FEZ2: variants seen among roughly 807,000 people sequenced by gnomAD.
FEZ2 encodes the protein fasciculation and elongation protein zeta 2, also known as fasciculation and elongation protein zeta-2.
A neutral mutation model predicts 40.4 loss-of-function variants in FEZ2; 51 were observed. The observed-to-expected ratio is 1.26, with a 90% CI of 1.01 to 1.59. The LOEUF (loss-of-function observed/expected upper bound fraction) is 1.59. FEZ2 is among the 40% of genes most tolerant of loss of function. FEZ2 has a pLI of 0.00. For synonymous variants in FEZ2, 242 were observed against 172.0 expected (o/e 1.41, Z -3.18); for missense variants, 640 against 438.3 (o/e 1.46, Z -4.11).
intron 3 of FEZ2, among the ~76,000 whole-genome samples, chr2:36,582,959 A>C (rs1260656469): frequency 6.6e-6 from 1 of 152,230 alleles, no homozygotes; most frequent in Non-Finnish European, 1.5e-5. Flanking sequence ...TGTTACTTTA[A>C]TACATGCTAA....
At chr2:36,581,571 C>A in intron 3 of FEZ2, 140 bp from the exon 4 acceptor site, 18 of 671,486 alleles carry the variant, frequency 2.7e-5, no homozygotes, top group South Asian at 1.3e-4. Context: ...TGTGGATGCT[C>A]CAAATAATCA....
At chr2:36,572,314 G>C (rs561446318) in intron 5 of FEZ2, among the ~76,000 whole-genome samples, 53 of 152,226 alleles carry the variant, frequency 3.5e-4, no homozygotes, top group Middle Eastern at 3.4e-3. Flanking sequence ...TGCTGCTGAA[G>C]GGGCCCCAAG....
chr2:36,575,846 TG>T (rs1189460141), intron 5 of FEZ2, among the ~76,000 whole-genome samples: 2 of 152,144 alleles, frequency 1.3e-5, no homozygotes, highest in African/African-American at 4.8e-5. Flanking sequence ...TTAGATTAAG[TG>T]GTATGCCAAC....
At chr2:36,560,781 G>T in intron 5 of FEZ2, 1 of 1,579,440 alleles carries the variant, frequency 6.3e-7, no homozygotes, top group African/African-American at 1.4e-5. Flanking sequence ...GGATAACCGA[G>T]CACCTGTTTC....
At chr2:36,568,234 A>G (rs1375769145) in intron 5 of FEZ2, among the ~76,000 whole-genome samples, 2 of 152,126 alleles carry the variant, frequency 1.3e-5, no homozygotes, top group African/African-American at 4.8e-5. Context: ...CATTTCTTTG[A>G]TAACATTTCT....
chr2:36,568,828 G>C (rs848634), intron 5 of FEZ2, among the ~76,000 whole-genome samples: 11,898 of 152,212 alleles, frequency 0.078, 974 homozygotes, highest in East Asian at 0.21. Context: ...GCATAAGTAT[G>C]TATTGAAAGT....
Position 36,598,106 on chromosome 2 carries a change from A to T in FEZ2, c.37T>A (p.Phe13Ile). ...AGGAGGCTCCGGGCCGGCTCCTGGA[A>T]CTCATAGAAATCCTGCCAGTCCCCG... ...ADGDWQDFYE[F>I]QEPARSLLDQ... is the part of the protein sequence containing the mutation. The change falls in exon 1 of 8, where the codon TTC becomes ATC. Residue 13 changes from phenylalanine (F) to isoleucine (I), a missense_variant. Transcript: ENST00000405912. 1 of 1,490,574 alleles carries T rather than the reference A, an allele frequency of 6.7e-7. No individual in the cohort carries two copies. Among genetic ancestry groups the T allele is most frequent in the Non-Finnish European group, 8.9e-7 (1 of 1,127,766 alleles). The allele number at this position is 1,490,574 out of a possible 1,614,324, so 92.3% of individuals were successfully genotyped here.
At chr2:36,578,529 C>A in intron 5 of FEZ2, 68 bp downstream of exon 5, 1 of 1,518,360 alleles carries the variant, frequency 6.6e-7, no homozygotes, top group Non-Finnish European at 8.9e-7. Context: ...CTGCCACCAG[C>A]CCCAAAGGCT....
chr2:36,556,044 T>C, intron 6 of FEZ2: 1 of 545,516 alleles, frequency 1.8e-6, no homozygotes, highest in South Asian at 1.5e-5. Context: ...CTGGGTTATT[T>C]ACAAGGAGCC....
chr2:36,554,278 A>C (rs1429983938), intron 7 of FEZ2: 2 of 471,152 alleles, frequency 4.2e-6, no homozygotes, highest in Middle Eastern at 6.5e-4. Flanking sequence ...TTTTCAGAGT[A>C]AAGAATTAAA....
intron 2 of FEZ2, among the ~76,000 whole-genome samples, chr2:36,587,058 G>A (rs12105545): frequency 0.31 from 47,209 of 152,146 alleles, 7,668 homozygotes; most frequent in Middle Eastern, 0.51. Context: ...AAATGCACAT[G>A]GAAGGAGAAA....
rs770577655 is a variant in FEZ2, at chr2:36,578,862, A to G, written c.638T>C (p.Val213Ala). 61 of 1,605,116 alleles carry G rather than the reference A, an allele frequency of 3.8e-5. No individual in the cohort carries two copies. Among genetic ancestry groups the G allele is most frequent in the Non-Finnish European group, 5.2e-5 (61 of 1,176,626 alleles). Residue 213 changes from valine (V) to alanine (A), a missense_variant, in exon 5 of 8, where the codon GTG becomes GCG. By Grantham distance (64) the Val-to-Ala change is moderately conservative. Coordinates refer to ENST00000405912, the MANE Select transcript of FEZ2 (RefSeq NM_005102.3). ...TAACTCAGACACTGAGAGCCTTTTCACTCCTGTGACCAAAAGCAAAATACA... is the reference window on the plus strand; with the variant it reads ...TAACTCAGACACTGAGAGCCTTTTCGCTCCTGTGACCAAAAGCAAAATACA... ...RSSTGSYEER[V>A]KRLSVSELNE...
chr2:36,574,163 T>TTGCTA (rs1317923578), intron 5 of FEZ2, among the ~76,000 whole-genome samples: 1 of 152,224 alleles, frequency 6.6e-6, no homozygotes, highest in Non-Finnish European at 1.5e-5. Context: ...TTTGCTATGT[T>TTGCTA]TGCTAATCTT....
chr2:36,586,823 T>G (rs1453827017), intron 2 of FEZ2, among the ~76,000 whole-genome samples: 3 of 152,048 alleles, frequency 2.0e-5, no homozygotes, highest in African/African-American at 7.2e-5. Context: ...GGTACTCGTG[T>G]GTAGTCTAGC....
At chr2:36,571,157 G>GT (rs1188763570) in intron 5 of FEZ2, among the ~76,000 whole-genome samples, 4 of 152,052 alleles carry the variant, frequency 2.6e-5, no homozygotes, top group Non-Finnish European at 5.9e-5. Context: ...AAACAAATTT[G>GT]TTCCACATCT....
At chr2:36,585,821 T>C (rs545361864) in intron 2 of FEZ2, among the ~76,000 whole-genome samples, 1 of 152,190 alleles carries the variant, frequency 6.6e-6, no homozygotes, top group East Asian at 1.9e-4. Context: ...GTGTCAGGGA[T>C]TGGCAAAGGA....
At chr2:36,585,102 AG>A (rs201244427) in intron 2 of FEZ2, among the ~76,000 whole-genome samples, 2 of 152,254 alleles carry the variant, frequency 1.3e-5, no homozygotes, top group South Asian at 2.1e-4. Flanking sequence ...GCTTCCAGGG[AG>A]GGAAAAAAAA....
intron 2 of FEZ2, among the ~76,000 whole-genome samples, chr2:36,586,071 T>A (rs2125238924): frequency 6.9e-6 from 1 of 145,606 alleles, no homozygotes; most frequent in East Asian, 1.9e-4. Flanking sequence ...ATAATTTAAT[T>A]TTTTAAAGAA....
intron 2 of FEZ2, among the ~76,000 whole-genome samples, chr2:36,585,313 G>C (rs527279492): frequency 6.6e-6 from 1 of 152,278 alleles, no homozygotes; most frequent in South Asian, 2.1e-4. Flanking sequence ...CCTCTCATGT[G>C]CCCTTTCTCA....
Sources: allele counts gnomAD v4.1 joint callset (sites outside exome capture counted in the v4.1 genomes callset), GRCh38; gene constraint gnomAD v4.1.1; transcripts MANE v1.5; gene names NCBI Gene and HGNC (gene_info 2026-07-23, HGNC 2026-07-21).